Variants in CACNA1H observed in about 807,000 individuals in gnomAD.
CACNA1H encodes the protein calcium voltage-gated channel subunit alpha1 H, also known as voltage-dependent T-type calcium channel subunit alpha-1H.
In CACNA1H, 149 loss-of-function variants were observed where a neutral mutation model predicts 192.5. The ratio of observed to expected loss-of-function variants is 0.77; its 90% CI spans 0.68 to 0.89. The LOEUF (loss-of-function observed/expected upper bound fraction) is 0.89. Ranked by LOEUF, CACNA1H falls within the 40% of genes least tolerant of loss-of-function variation. CACNA1H has a pLI of 0.00. For missense variants in CACNA1H, 4,257 were observed against 3,423.5 expected (o/e 1.24, Z -6.08); for synonymous variants, 2,202 against 1,475.2 (o/e 1.49, Z -11.29).
At chr16:1,189,901 G>C (rs990895349) in intron 2 of CACNA1H, among the ~76,000 whole-genome samples, 4 of 152,214 alleles carry the variant, frequency 2.6e-5, no homozygotes, top group Non-Finnish European at 4.4e-5. Flanking sequence ...CAGTCCAGTG[G>C]GGGCTGCCTG....
At chr16:1,178,981 T>C (rs891444171) in intron 2 of CACNA1H, among the ~76,000 whole-genome samples, 1 of 152,174 alleles carries the variant, frequency 6.6e-6, no homozygotes, top group Non-Finnish European at 1.5e-5. Flanking sequence ...CCCCACCATT[T>C]TCCTCGGGAT....
rs1596338921 is a variant in CACNA1H, at chr16:1,180,625, T to G, written c.300-14347T>G. Among the ~76,000 whole-genome samples, 2 of 126,550 alleles carry G rather than the reference T, an allele frequency of 1.6e-5. No individual in the cohort carries two copies. Among genetic ancestry groups the G allele is most frequent in the African/African-American group, 5.9e-5 (2 of 33,818 alleles). 83.0% of individuals were successfully genotyped at this position (126,550 alleles called of 152,430 possible). The stretch of plus-strand genomic sequence containing the variant: ...TCTCCATAGTGTGTCGGGTGGGGAG[T>G]GGCCCACCTGGCCTTGGCTTTCCCG... On this transcript the variant is annotated intron_variant, in intron 2 of 34. Transcript: ENST00000348261. This position sits in a 1 kb window ranked among gnomAD's most constrained non-coding sequence, Gnocchi z 4.4.
At chr16:1,212,830 G>T (rs560752042) in intron 26 of CACNA1H, among the ~76,000 whole-genome samples, 1 of 152,354 alleles carries the variant, frequency 6.6e-6, no homozygotes, top group African/African-American at 2.4e-5. Flanking sequence ...GTCCTTGCTG[G>T]TCCAGCCTGA....
Position 1,211,984 on chromosome 16 carries a change from C to G in CACNA1H, c.4605C>G (p.Phe1535Leu). ...ACAACCCCTGGATGCTGCTGTACTT[C>G]ATCTCCTTCCTGCTCATCGTCAGCT... ...QNHNPWMLLY[F>L]ISFLLIVSFF... is the part of the protein sequence containing the mutation. The change falls in exon 25 of 35, where the codon TTC becomes TTG. Residue 1535 changes from phenylalanine (F) to leucine (L), a missense_variant. Phe to Leu is a conservative substitution (Grantham distance 22). Transcript: ENST00000348261. The G allele has an allele frequency of 6.2e-7, 1 of 1,613,566 alleles. No homozygotes were observed. Among genetic ancestry groups the G allele is most frequent in the Non-Finnish European group, 8.5e-7 (1 of 1,179,700 alleles).
Position 1,208,197 on chromosome 16 carries a change from G to A in CACNA1H, c.3339G>A (p.Pro1113=), listed in dbSNP as rs368155283. The part of the protein sequence containing the change: ...SRRGSSSSGD[P]PLGDQKPPAS... ...GTGGCAGCAGCAGCTCCGGGGACCC[G>A]CCACTGGGAGACCAGAAGCCTCCGG... Residue 1113 remains proline, a synonymous_variant, in exon 16 of 35, where the codon CCG becomes CCA. Coordinates refer to ENST00000348261, the MANE Select transcript of CACNA1H (RefSeq NM_021098.3). 3.9e-5 allele frequency: 61 copies of A among 1,563,552 alleles called. No homozygotes were observed. Among genetic ancestry groups the A allele is most frequent in the East Asian group, 3.1e-4 (13 of 41,796 alleles).
At chr16:1,217,763 C>T (rs991574372) in intron 31 of CACNA1H, among the ~76,000 whole-genome samples, 156 bp from the exon 32 acceptor site, 2 of 152,264 alleles carry the variant, frequency 1.3e-5, no homozygotes, top group Non-Finnish European at 2.9e-5. Flanking sequence ...CAGGGTCACC[C>T]TCTGCCAGGC....
intron 6 of CACNA1H, among the ~76,000 whole-genome samples, chr16:1,199,484 C>A (rs1967497533): frequency 8.4e-6 from 1 of 119,564 alleles, no homozygotes; most frequent in South Asian, 2.5e-4. Context: ...GCTCCACCCA[C>A]CGTGCGGTCA....
chr16:1,175,736 G>A (rs1385239318), intron 2 of CACNA1H, among the ~76,000 whole-genome samples: 1 of 152,224 alleles, frequency 6.6e-6, no homozygotes, highest in Non-Finnish European at 1.5e-5. Flanking sequence ...CTGGGAGTGG[G>A]TTTTGAGGGC....
chr16:1,173,478 T>G (rs1420733345), intron 2 of CACNA1H, among the ~76,000 whole-genome samples: 1 of 152,268 alleles, frequency 6.6e-6, no homozygotes, highest in Non-Finnish European at 1.5e-5. Flanking sequence ...ATTTACTTTT[T>G]TAGTATTTAA....
At chr16:1,177,473 C>T (rs897075260) in intron 2 of CACNA1H, among the ~76,000 whole-genome samples, 1 of 152,180 alleles carries the variant, frequency 6.6e-6, no homozygotes, top group Non-Finnish European at 1.5e-5. Flanking sequence ...CTCACGGTCA[C>T]ACGTCTGTCA....
intron 15 of CACNA1H, 70 bp downstream of exon 15, chr16:1,207,930 C>A: frequency 1.3e-6 from 2 of 1,543,350 alleles, no homozygotes; most frequent in Non-Finnish European, 1.8e-6. Context: ...GCAGGGCCCC[C>A]ATAAGGCAAT....
chr16:1,168,908 C>A (rs1031463268), intron 2 of CACNA1H, among the ~76,000 whole-genome samples: 2 of 152,088 alleles, frequency 1.3e-5, no homozygotes, highest in Non-Finnish European at 2.9e-5. Flanking sequence ...CTGAAGTACC[C>A]TGGCCTGTGA....
chr16:1,196,079 C>T (rs759964526), intron 5 of CACNA1H, 56 bp downstream of exon 5: 2 of 1,397,940 alleles, frequency 1.4e-6, no homozygotes, highest in Non-Finnish European at 1.0e-6. Context: ...GTCCGCCAGC[C>T]CTGCAGAGCT....
In CACNA1H at chr16:1,221,274, C is replaced by T. The variant is rs996465573; in HGVS notation, c.*280C>T. On this transcript the variant is annotated 3_prime_UTR_variant, in exon 35 of 35. Transcript: ENST00000348261. ...GGTCAGCCTCCCGTCAGGAGAGAAG[C>T]CGCGTCTGTGGGACGAAGACCGGGC... is the stretch of plus-strand genomic sequence containing the variant. The T allele has an allele frequency of 9.0e-6, 4 of 445,924 alleles. No individual in the cohort carries two copies. Among genetic ancestry groups the T allele is most frequent in the Middle Eastern group, 5.8e-4 (1 of 1,722 alleles). 27.6% of individuals were successfully genotyped at this position (445,924 alleles called of 1,614,324 possible).
chr16:1,176,200 G>A (rs552529376), intron 2 of CACNA1H, among the ~76,000 whole-genome samples: 75 of 152,374 alleles, frequency 4.9e-4, no homozygotes, highest in African/African-American at 1.7e-3. Context: ...ATGCTGTGTG[G>A]TTAGAGATGT....
At chr16:1,197,434 A>G (rs1056815533) in intron 5 of CACNA1H, among the ~76,000 whole-genome samples, 11 of 152,198 alleles carry the variant, frequency 7.2e-5, no homozygotes, top group African/African-American at 2.2e-4. Flanking sequence ...TTCAGGTTAA[A>G]TTGCCAGAGT....
At chr16:1,173,534 A>G (rs965582114) in intron 2 of CACNA1H, among the ~76,000 whole-genome samples, 1 of 152,250 alleles carries the variant, frequency 6.6e-6, no homozygotes, top group African/African-American at 2.4e-5. Context: ...CCACAATAAT[A>G]AGCCCTTTGT....
intron 1 of CACNA1H, 50 bp from the exon 2 acceptor site, chr16:1,153,670 C>T (rs950667254): frequency 1.8e-5 from 20 of 1,110,002 alleles, no homozygotes; most frequent in Non-Finnish European, 2.2e-5. Context: ...CCGCGGGAGG[C>T]AGGGCGGGGG....
chr16:1,166,066 G>T (rs1165386959), intron 2 of CACNA1H, among the ~76,000 whole-genome samples: 2 of 152,232 alleles, frequency 1.3e-5, no homozygotes, highest in Non-Finnish European at 2.9e-5. Flanking sequence ...TTGGAATTGG[G>T]TGACTCTGAG....
Sources: allele counts gnomAD v4.1 joint callset (sites outside exome capture counted in the v4.1 genomes callset), GRCh38; gene constraint gnomAD v4.1.1; non-coding constraint Gnocchi (gnomAD v3.1); transcripts MANE v1.5; gene names NCBI Gene and HGNC (gene_info 2026-07-23, HGNC 2026-07-21).